Variants in CDH19 observed in about 807,000 individuals in gnomAD.
The protein encoded by CDH19 is cadherin 19, also known as cadherin-19.
Under a neutral mutation model 64.2 loss-of-function variants are expected in CDH19, and 67 were observed. That is an observed-to-expected ratio of 1.04 (90% CI 0.86 to 1.28). The LOEUF (loss-of-function observed/expected upper bound fraction) is 1.28. CDH19 is among the 50% of genes most tolerant of loss of function. The probability of loss-of-function intolerance (pLI) is 0.00; values close to 1 mark genes in which losing one functional copy is unlikely to be tolerated. For missense variants in CDH19, 1,030 were observed against 929.0 expected (o/e 1.11, Z -1.41); for synonymous variants, 346 against 319.3 (o/e 1.08, Z -0.89).
intron 5 of CDH19, among the ~76,000 whole-genome samples, chr18:66,550,241 T>A (rs1038951775): frequency 1.3e-5 from 2 of 152,146 alleles, no homozygotes; most frequent in Non-Finnish European, 2.9e-5. Flanking sequence ...CTCCAATAAT[T>A]GCATAAGAAA....
At chr18:66,602,229 A>C (rs1315943014) in intron 1 of CDH19, among the ~76,000 whole-genome samples, 4 of 152,006 alleles carry the variant, frequency 2.6e-5, no homozygotes, top group African/African-American at 7.2e-5. Context: ...AACATGCTGA[A>C]TACTGCTATG....
At chr18:66,598,953 T>A (rs745487578) in intron 1 of CDH19, among the ~76,000 whole-genome samples, 17 of 152,086 alleles carry the variant, frequency 1.1e-4, no homozygotes, top group Non-Finnish European at 1.9e-4. Context: ...TGATACAAAA[T>A]ATTTTGGAAT....
At chr18:66,533,035 A>G (rs1215664400) in intron 8 of CDH19, among the ~76,000 whole-genome samples, 1 of 152,022 alleles carries the variant, frequency 6.6e-6, no homozygotes, top group African/African-American at 2.4e-5. Context: ...TGCAGATCAC[A>G]TTGTGTTTTA....
At chr18:66,561,460 T>A (rs1458408046) in intron 3 of CDH19, among the ~76,000 whole-genome samples, 2 of 152,140 alleles carry the variant, frequency 1.3e-5, no homozygotes, top group Non-Finnish European at 2.9e-5. Context: ...TTAAGTCCTA[T>A]TATTCCCTGC....
Position 66,587,167 on chromosome 18 carries a change from G to T in CDH19, c.-112-14851C>A, listed in dbSNP as rs185342545. On this transcript the variant is annotated intron_variant, in intron 1 of 11. Transcript: ENST00000262150. ...TCAGCAAAGGACAATATAAGTAAGA[G>T]AATCAATAATAACATGGAGGCAGAA... Among the ~76,000 whole-genome samples the T allele has an allele frequency of 4.6e-5, 7 of 152,186 alleles. No homozygotes were observed. In the East Asian group the frequency reaches 9.7e-4, roughly 21 times the overall value.
In CDH19 at chr18:66,502,298, TC is replaced by T. The variant is rs1984979071; in HGVS notation, c.*2513del. On this transcript the variant is annotated 3_prime_UTR_variant, in exon 12 of 12. Transcript: ENST00000262150. ...ATCGTGTCTGTGCTTTCCCTGTGTA[TC>T]CTATGATTGACAATCTTATAATCAA... 6.6e-6 allele frequency: 1 copy of T among 152,028 alleles called. No homozygotes were observed. The highest frequency in any genetic ancestry group is 6.6e-5 in the Admixed American group (1 of 15,228). 9.4% of individuals were successfully genotyped at this position (152,028 alleles called of 1,614,324 possible).
At chr18:66,523,626 A>T (rs1334874788) in intron 9 of CDH19, among the ~76,000 whole-genome samples, 1 of 142,070 alleles carries the variant, frequency 7.0e-6, no homozygotes, top group Admixed American at 7.0e-5. Context: ...GTGGGGGGGG[A>T]GTGGGTCTCA....
intron 1 of CDH19, among the ~76,000 whole-genome samples, chr18:66,585,083 T>A (rs1006164608): frequency 6.6e-6 from 1 of 151,968 alleles, no homozygotes; most frequent in African/African-American, 2.4e-5. Flanking sequence ...ATACAAACAT[T>A]AAAAAATTTA....
chr18:66,591,122 A>C (rs1179490739), intron 1 of CDH19, among the ~76,000 whole-genome samples: 1 of 151,978 alleles, frequency 6.6e-6, no homozygotes, highest in Non-Finnish European at 1.5e-5. Flanking sequence ...TCTCAGATTG[A>C]GTATCTTCAG....
chr18:66,565,944 T>C (rs569880272), intron 3 of CDH19, among the ~76,000 whole-genome samples: 1 of 152,112 alleles, frequency 6.6e-6, no homozygotes, highest in South Asian at 2.1e-4. Flanking sequence ...AAAGATAATT[T>C]GTACCTCTAT....
chr18:66,595,891 G>A (rs942949220), intron 1 of CDH19, among the ~76,000 whole-genome samples: 2 of 152,024 alleles, frequency 1.3e-5, no homozygotes, highest in Non-Finnish European at 2.9e-5. Context: ...CAATATCCTG[G>A]TGAACATAGA....
At chr18:66,568,390 C>A (rs2144570562) in intron 3 of CDH19, 26 bp downstream of exon 3, 1 of 1,553,180 alleles carries the variant, frequency 6.4e-7, no homozygotes, top group South Asian at 1.2e-5. Flanking sequence ...GTTAATATAT[C>A]TTTGATGTAA....
intron 9 of CDH19, among the ~76,000 whole-genome samples, chr18:66,523,871 T>C (rs970066922): frequency 6.9e-5 from 9 of 131,344 alleles, no homozygotes; most frequent in Non-Finnish European, 1.4e-4. Context: ...AGGCTCAACC[T>C]TGCACTCACC....
At chr18:66,553,104 T>C (rs1372942591) in intron 4 of CDH19, among the ~76,000 whole-genome samples, 1 of 134,786 alleles carries the variant, frequency 7.4e-6, no homozygotes, top group Non-Finnish European at 1.5e-5. Context: ...CTTTTTGGTT[T>C]TACTTCATAA....
intron 7 of CDH19, among the ~76,000 whole-genome samples, chr18:66,539,981 G>A (rs1986826123): frequency 6.6e-6 from 1 of 152,068 alleles, no homozygotes; most frequent in South Asian, 2.1e-4. Context: ...TATAGGCATA[G>A]CATTGTTCAA....
chr18:66,529,160 G>A (rs1986336733), intron 9 of CDH19, among the ~76,000 whole-genome samples: 1 of 151,842 alleles, frequency 6.6e-6, no homozygotes, highest in South Asian at 2.1e-4. Flanking sequence ...ATTTCAAAAT[G>A]AGTATGTTCT....
rs772310024 is a variant in CDH19 at position 66,544,903 on chromosome 18, C to T, written c.776G>A (p.Ser259Asn). The T allele has an allele frequency of 5.7e-6, 9 of 1,566,262 alleles. No homozygotes were observed. Among genetic ancestry groups the T allele is most frequent in the Middle Eastern group, 1.7e-4 (1 of 5,850 alleles). Reference sequence around the variant, plus strand: ...TTCAGAGACAGTCAAGCGGTATAAACCTTTAAAAACAAAATTGGAGGTATT... The same window carrying T: ...TTCAGAGACAGTCAAGCGGTATAAATCTTTAAAAACAAAATTGGAGGTATT... ...VNDNKPIFKESLYRLTVSESA... is the reference protein window; with the variant it reads ...VNDNKPIFKENLYRLTVSESA... Residue 259 changes from serine to asparagine, a missense_variant and splice_region_variant, in exon 6 of 12, where the codon AGT becomes AAT. Coordinates refer to ENST00000262150, the MANE Select transcript of CDH19 (RefSeq NM_021153.4).
intron 3 of CDH19, among the ~76,000 whole-genome samples, chr18:66,564,610 C>A (rs1987838351): frequency 6.6e-6 from 1 of 151,832 alleles, no homozygotes; most frequent in East Asian, 1.9e-4. Context: ...TTAAGGAAGT[C>A]AGATTTTAAA....
intron 3 of CDH19, among the ~76,000 whole-genome samples, chr18:66,565,523 G>A (rs567377655): frequency 9.9e-4 from 150 of 151,962 alleles, no homozygotes; most frequent in Non-Finnish European, 1.5e-3. Context: ...TAGGAAATTT[G>A]GAAGTAAGGT....
Sources: allele counts gnomAD v4.1 joint callset (sites outside exome capture counted in the v4.1 genomes callset), GRCh38; gene constraint gnomAD v4.1.1; transcripts MANE v1.5; gene names NCBI Gene and HGNC (gene_info 2026-07-23, HGNC 2026-07-21).